NAV3: variants seen among roughly 807,000 people sequenced by gnomAD.
The protein encoded by NAV3 is pore membrane and/or filament interacting like protein 1.
In NAV3, 87 loss-of-function variants were observed where a neutral mutation model predicts 244.7. The observed-to-expected ratio is 0.36, with a 90% CI of 0.30 to 0.42. The LOEUF (loss-of-function observed/expected upper bound fraction) is 0.42. Among genes scored for constraint, NAV3 ranks in the 20% least tolerant of loss-of-function variants. NAV3 has a pLI of 1.00. For synonymous variants in NAV3, 1,126 were observed against 1,042.2 expected (o/e 1.08, Z -1.55); for missense variants, 2,663 against 2,893.3 (o/e 0.92, Z 1.83).
At chr12:77,699,121 G>A (rs1022969658) in intron 2 of NAV3, among the ~76,000 whole-genome samples, 3 of 152,002 alleles carry the variant, frequency 2.0e-5, no homozygotes, top group Admixed American at 2.0e-4. Context: ...CACTGGCATG[G>A]AATATAGAAT....
Position 78,140,309 on chromosome 12 carries a change from C to A in NAV3, c.4658C>A (p.Ser1553Tyr), listed in dbSNP as rs2139065417. 6.2e-7 allele frequency: 1 copy of A among 1,613,418 alleles called. No individual in the cohort carries two copies. Among genetic ancestry groups the A allele is most frequent in the East Asian group, 2.2e-5 (1 of 44,856 alleles). ...EVHGSSLSLV[S>Y]STSSLYSTAE... Reference sequence around the variant, plus strand: ...CATGGCTCTTCATTATCACTGGTGTCCAGCACTTCTTCTCTTTACTCTACA... The same window carrying A: ...CATGGCTCTTCATTATCACTGGTGTACAGCACTTCTTCTCTTTACTCTACA... The change falls in exon 20 of 40, where the codon TCC (serine) becomes TAC (tyrosine). Residue 1553 changes from serine to tyrosine, a missense_variant. Coordinates refer to ENST00000397909, the MANE Select transcript of NAV3 (RefSeq NM_001024383.2).
intron 1 of NAV3, among the ~76,000 whole-genome samples, chr12:77,855,507 A>G (rs1878260873): frequency 6.6e-6 from 1 of 152,202 alleles, no homozygotes; most frequent in South Asian, 2.1e-4. Flanking sequence ...GATATATTAT[A>G]AGAATTCTAT....
chr12:78,111,990 G>A (rs778998923), intron 12 of NAV3, among the ~76,000 whole-genome samples: 7 of 152,140 alleles, frequency 4.6e-5, no homozygotes, highest in East Asian at 3.9e-4. Flanking sequence ...AATAATCTAC[G>A]TTGGCTAATT....
chr12:78,158,290 A>C (rs1207126658), intron 22 of NAV3, among the ~76,000 whole-genome samples: 1 of 152,150 alleles, frequency 6.6e-6, no homozygotes, highest in African/African-American at 2.4e-5. Context: ...GGACACAATA[A>C]AATTTTATAA....
intron 16 of NAV3, among the ~76,000 whole-genome samples, chr12:78,124,447 TTA>T (rs1955817109): frequency 1.3e-5 from 2 of 151,926 alleles, no homozygotes; most frequent in Admixed American, 6.6e-5. Context: ...TTATGTTATG[TTA>T]TGTTATGTTA....
chr12:77,831,497 G>A lies in NAV3; in HGVS notation c.36G>A (p.Gln12=), dbSNP rs1163802650. The A allele has an allele frequency of 1.2e-6, 2 of 1,611,154 alleles. No homozygotes were observed. The highest frequency in any genetic ancestry group is 1.7e-6 in the Non-Finnish European group (2 of 1,179,200). The change falls in exon 1 of 40, where the codon CAG becomes CAA. Residue 12 remains glutamine (Q), a synonymous_variant. Transcript: ENST00000397909. ...PVLGVASKLR[Q]PAVGSKPVHT... is the part of the protein sequence containing the mutation. Reference sequence around the variant, plus strand: ...TTGGGGTTGCCTCAAAACTGAGGCAGCCAGCTGTTGGGTCAAAGCCTGTGC... The same window carrying A: ...TTGGGGTTGCCTCAAAACTGAGGCAACCAGCTGTTGGGTCAAAGCCTGTGC...
rs144762623 is a variant in NAV3, at chr12:77,794,606, G to A, written c.73-145713G>A. On this transcript the variant is annotated intron_variant, in intron 2 of 8. Coordinates refer to the NAV3 transcript ENST00000550042. The stretch of plus-strand genomic sequence containing the variant: ...CTTTGGTTTATTGTGCTTCACAAAC[G>A]TTGCATTTTTTAAAAAAACTAATTG... Among the ~76,000 whole-genome samples, 299 of 152,224 alleles carry A rather than the reference G, an allele frequency of 2.0e-3. 1 individual carries two copies. Among genetic ancestry groups the A allele is most frequent in the African/African-American group, 6.7e-3 (278 of 41,526 alleles).
At chr12:77,628,544 C>T (rs935465689) in intron 2 of NAV3, among the ~76,000 whole-genome samples, 5 of 152,080 alleles carry the variant, frequency 3.3e-5, no homozygotes, top group African/African-American at 7.2e-5. Context: ...CTATTAATTA[C>T]GTTATCTATT....
chr12:78,056,149 G>T (rs1883473614), intron 11 of NAV3: 1 of 152,116 alleles, frequency 6.6e-6, no homozygotes. Context: ...TAGAGTACAA[G>T]ACACTGAAAT....
chr12:77,966,396 C>G (rs1161915322), intron 4 of NAV3, 95 bp downstream of exon 4: 2 of 1,010,848 alleles, frequency 2.0e-6, no homozygotes, highest in Non-Finnish European at 2.9e-6. Context: ...GTATACGTCT[C>G]CTTAATATGA....
chr12:78,150,629 C>CCACACACACACACACACACACA (rs765969323), intron 22 of NAV3, among the ~76,000 whole-genome samples: 24 of 122,638 alleles, frequency 2.0e-4, no homozygotes, highest in Admixed American at 3.9e-4. Flanking sequence ...GCAAAAGCTT[C>CCACACACACACACACACACACA]CTCACACACA....
chr12:78,153,859 A>C (rs1276342062), intron 22 of NAV3, among the ~76,000 whole-genome samples: 2 of 151,846 alleles, frequency 1.3e-5, no homozygotes, highest in African/African-American at 4.8e-5. Context: ...AGAGAAAACA[A>C]TTGGTGCATA....
At chr12:78,144,928 A>G (rs1565717839) in intron 20 of NAV3, 35 of 148,620 alleles carry the variant, frequency 2.4e-4, no homozygotes, top group South Asian at 5.3e-4. Flanking sequence ...AAAAAAAAAA[A>G]AAAAAAAAAA....
chr12:77,573,359 C>T (rs942379727), intron 2 of NAV3, among the ~76,000 whole-genome samples: 9 of 152,098 alleles, frequency 5.9e-5, no homozygotes, highest in African/African-American at 2.2e-4. Context: ...ATCCTTTTGT[C>T]ATTAATAGAG....
At chr12:78,198,572 G>T (rs779731511) in intron 35 of NAV3, 33 bp from the exon 36 acceptor site, 84 of 1,365,328 alleles carry the variant, frequency 6.2e-5, no homozygotes, top group Non-Finnish European at 8.0e-5. Flanking sequence ...TTTACCTCCA[G>T]TAAATTAAAA....
intron 2 of NAV3, among the ~76,000 whole-genome samples, chr12:77,619,881 T>TCACACACACACA (rs140525524): frequency 6.7e-6 from 1 of 149,256 alleles, no homozygotes; most frequent in Non-Finnish European, 1.5e-5. Flanking sequence ...TCTCTCTCTC[T>TCACACACACACA]CACACACACA....
chr12:78,074,978 C>A (rs2137705250), intron 12 of NAV3, among the ~76,000 whole-genome samples: 1 of 152,232 alleles, frequency 6.6e-6, no homozygotes, highest in African/African-American at 2.4e-5. Flanking sequence ...GAAATGTAAT[C>A]TGGATGGGAC....
chr12:77,962,616 A>C (rs959022571), intron 3 of NAV3, among the ~76,000 whole-genome samples: 3 of 152,048 alleles, frequency 2.0e-5, no homozygotes, highest in Non-Finnish European at 4.4e-5. Flanking sequence ...TATGCCCCGT[A>C]CTGCATACCA....
chr12:78,203,213 G>A (rs1445217529), intron 38 of NAV3, among the ~76,000 whole-genome samples: 3 of 151,780 alleles, frequency 2.0e-5, no homozygotes, highest in South Asian at 4.2e-4. Context: ...ATAGTGTTTG[G>A]CCCATTTAGC....
Sources: allele counts gnomAD v4.1 joint callset (sites outside exome capture counted in the v4.1 genomes callset), GRCh38; gene constraint gnomAD v4.1.1; transcripts MANE v1.5; gene names NCBI Gene and HGNC (gene_info 2026-07-23, HGNC 2026-07-21).